Variants in LIMS2 observed in about 807,000 individuals in gnomAD.
The protein encoded by LIMS2 is LIM zinc finger domain containing 2, also known as LIM and senescent cell antigen-like-containing domain protein 2.
Under a neutral mutation model 45.3 loss-of-function variants are expected in LIMS2, and 30 were observed. The ratio of observed to expected loss-of-function variants is 0.66; its 90% confidence interval spans 0.50 to 0.90. LIMS2 has a LOEUF of 0.90. LIMS2 is among the 40% of genes least tolerant of loss of function. The pLI is 0.00. For missense variants in LIMS2, 485 were observed against 468.7 expected, an observed-to-expected ratio of 1.03 and a Z score of -0.32; for synonymous variants, 173 against 188.0, an observed-to-expected ratio of 0.92 and a Z score of 0.65.
In LIMS2 at chr2:127,667,681, A is replaced by G. The variant is rs1685075338; in HGVS notation, c.11+7333T>C. 6.6e-6 allele frequency among the ~76,000 whole-genome samples: 1 copy of G among 152,258 alleles called. No individual in the cohort carries two copies. The highest frequency in any genetic ancestry group is 2.1e-4 in the South Asian group (1 of 4,836). ...AAGCACCCAACAAACTGGGAATAGA[A>G]GGGAACTTCTTCAATTTGATAAGGG... On this transcript the variant is annotated intron_variant, in intron 1 of 9. Transcript: ENST00000355119. The surrounding 1 kb of genome is among the most constrained non-coding windows in gnomAD (Gnocchi z 4.1).
At position 127,644,157 on chromosome 2, in the gene LIMS2, A is replaced by T. The variant is rs543551907; in HGVS notation, c.360-1085T>A. 1.3e-5 allele frequency: 6 copies of T among 454,602 alleles called. No homozygotes were observed. In the East Asian group the frequency reaches 4.2e-4, roughly 32 times the overall value. The allele number at this position is 454,602 out of a possible 1,614,324, so 28.2% of individuals were successfully genotyped here. On this transcript the variant is annotated intron_variant, in intron 4 of 9. Coordinates refer to ENST00000355119, the MANE Select transcript of LIMS2 (RefSeq NM_001161403.3). ...TCTCATCATCAGCTGTGTGCAGGGC[A>T]AGGGGCCCAAACAAAGGCCCAGCAG... is the stretch of plus-strand genomic sequence containing the variant.
chr2:127,664,181 TC>T lies in LIMS2; in HGVS notation c.12-6620del, dbSNP rs555775756. The T allele has an allele frequency of 1.5e-3, 1,075 of 728,448 alleles. 7 individuals carry two copies. Among genetic ancestry groups the T allele is most frequent in the South Asian group, 0.014 (201 of 14,668 alleles). 45.1% of individuals were successfully genotyped at this position (728,448 alleles called of 1,614,324 possible). On this transcript the variant is annotated intron_variant, in intron 1 of 9. Coordinates refer to ENST00000355119, the MANE Select transcript of LIMS2 (RefSeq NM_001161403.3). The surrounding 1 kb of genome is among the most constrained non-coding windows in gnomAD (Gnocchi z 5.5). Reference sequence around the variant, plus strand: ...CACCCTGTCGCCAACCCAGGGCCCATCCGACGCCGGGGCAGAGCCCACGGCG... The same window carrying T: ...CACCCTGTCGCCAACCCAGGGCCCATCGACGCCGGGGCAGAGCCCACGGCG...
chr2:127,643,047 G>C lies in LIMS2; in HGVS notation c.385C>G (p.Arg129Gly), dbSNP rs145123078. The C allele has an allele frequency of 1.3e-6, 2 of 1,585,072 alleles. No individual in the cohort carries two copies. Among genetic ancestry groups the C allele is most frequent in the African/African-American group, 2.7e-5 (2 of 74,474 alleles). Residue 129 changes from arginine (R) to glycine (G), a missense_variant, in exon 5 of 10, where the codon CGT becomes GGT. By Grantham distance (125) the Arg-to-Gly change is moderately radical. Transcript: ENST00000355119. ...GRHLCRPCHNREKAKGLGKYI... is the reference protein window; with the variant it reads ...GRHLCRPCHNGEKAKGLGKYI... Reference sequence around the variant, plus strand: ...TTGCCCAGGCCCTTGGCCTTCTCACGGTTGTGGCAAGGCCGGCAGAGATGC... The same window carrying C: ...TTGCCCAGGCCCTTGGCCTTCTCACCGTTGTGGCAAGGCCGGCAGAGATGC...
At chr2:127,673,565 C>G in intron 1 of LIMS2, 1 of 1,111,862 alleles carries the variant, frequency 9.0e-7, no homozygotes, top group Non-Finnish European at 1.3e-6. Flanking sequence ...GGCAAGAGGA[C>G]CCTTGCCAGG....
chr2:127,668,353 G>C (rs116704103), intron 1 of LIMS2, among the ~76,000 whole-genome samples: 2,421 of 151,844 alleles, frequency 0.016, 23 homozygotes, highest in Middle Eastern at 0.024. Context: ...AAGTGACACA[G>C]AATAATCAAA....
At chr2:127,643,219 G>A (rs1380895008) in intron 4 of LIMS2, 147 bp from the exon 5 acceptor site, 15 of 798,846 alleles carry the variant, frequency 1.9e-5, no homozygotes, top group Non-Finnish European at 2.5e-5. Flanking sequence ...AAAGCAGACT[G>A]CCCTGTCACA....
rs570488699 is a variant in LIMS2, at chr2:127,667,314, A to C, written c.11+7700T>G. Among the ~76,000 whole-genome samples the C allele has an allele frequency of 1.6e-4, 25 of 152,322 alleles. 2 individuals are homozygous for C. In the South Asian group the frequency reaches 4.8e-3, roughly 29 times the overall value. ...TCAAAAAGAGAAAAAAACAAAAAAC[A>C]AAAAACAACAAACCTTCACAAAATC... On this transcript the variant is annotated intron_variant, in intron 1 of 9. Transcript: ENST00000355119. The surrounding 1 kb of genome is among the most constrained non-coding windows in gnomAD (Gnocchi z 4.1).
rs749727979 is a variant in LIMS2, at chr2:127,654,905, G to A, written c.172-9C>T. On this transcript the variant is annotated splice_polypyrimidine_tract_variant and intron_variant, in intron 2 of 9. Coordinates refer to ENST00000355119, the MANE Select transcript of LIMS2 (RefSeq NM_001161403.3). ...TACTTCCGGCCTTCAAACTGCAAAG[G>A]GGTCGCAGAGAGAGGACAAGCAAAC... 6 of 1,613,300 alleles carry A rather than the reference G, an allele frequency of 3.7e-6. No homozygotes were observed. The African/African-American group carries it at 8.0e-5, about 22-fold the overall frequency.
Position 127,672,905 on chromosome 2 carries a change from C to T in LIMS2, c.11+2109G>A, listed in dbSNP as rs527693377. 1.6e-3 allele frequency among the ~76,000 whole-genome samples: 250 copies of T among 152,332 alleles called. 1 individual carries two copies. Among genetic ancestry groups the T allele is most frequent in the Admixed American group, 3.5e-3 (54 of 15,298 alleles). ...CCTGGCTCTGGGCAGCATGGGGGAT[C>T]CCGAGAGAACCAGGATCCAGGCACG... On this transcript the variant is annotated intron_variant, in intron 1 of 9. Transcript: ENST00000355119. This position sits in a 1 kb window ranked among gnomAD's most constrained non-coding sequence, Gnocchi z 4.9.
In LIMS2 at chr2:127,639,351, C is replaced by A. The variant is rs777045843; in HGVS notation, c.956G>T (p.Arg319Leu). ...YEKFPLELKK[R>L]LKKLSELTSR... Reference sequence around the variant, plus strand: ...GGTCAGCTCCGACAGCTTCTTCAGCCGCTTCTTCAGCTCCAGCGGGAACTT... The same window carrying A: ...GGTCAGCTCCGACAGCTTCTTCAGCAGCTTCTTCAGCTCCAGCGGGAACTT... Residue 319 changes from arginine to leucine, a missense_variant, in exon 10 of 10, where the codon CGG (arginine) becomes CTG (leucine). Physicochemically the swap from Arg to Leu is moderately radical, Grantham distance 102. Transcript: ENST00000355119. The A allele has an allele frequency of 1.2e-6, 2 of 1,613,942 alleles. No homozygotes were observed. Among genetic ancestry groups the A allele is most frequent in the African/African-American group, 2.7e-5 (2 of 75,018 alleles).
rs759124947 is a variant in LIMS2, at chr2:127,639,369, G to T, written c.938C>A (p.Pro313Gln). Residue 313 changes from proline to glutamine, a missense_variant, in exon 10 of 10, where the codon CCG (proline) becomes CAG (glutamine). By Grantham distance (76) the Pro-to-Gln change is moderately conservative. Coordinates refer to ENST00000355119, the MANE Select transcript of LIMS2 (RefSeq NM_001161403.3). ...CTTCAGCCGCTTCTTCAGCTCCAGC[G>T]GGAACTTCTCGTAGCACCTCTTACA... ...PVCKRCYEKFPLELKKRLKKL... is the reference protein window; with the variant it reads ...PVCKRCYEKFQLELKKRLKKL... 1.2e-6 allele frequency: 2 copies of T among 1,613,926 alleles called. No homozygotes were observed. The highest frequency in any genetic ancestry group is 1.1e-5 in the South Asian group (1 of 91,078).
Position 127,660,852 on chromosome 2 carries a change from G to A in LIMS2, c.12-3290C>T, listed in dbSNP as rs757449745. On this transcript the variant is annotated intron_variant, in intron 1 of 9. Coordinates refer to ENST00000355119, the MANE Select transcript of LIMS2 (RefSeq NM_001161403.3). ...CCAGTCTGTAAGCAGTTCCTCGGCT[G>A]GTCCCTGAATGCATCCAGGGAGATC... Among the ~76,000 whole-genome samples the A allele has an allele frequency of 1.6e-4, 24 of 151,768 alleles. No individual in the cohort carries two copies. In the Middle Eastern group the frequency reaches 0.01, roughly 65 times the overall value.
upstream of LIMS2, among the ~76,000 whole-genome samples, chr2:127,676,400 G>A (rs1471996719): frequency 2.1e-5 from 3 of 142,100 alleles, no homozygotes; most frequent in Non-Finnish European, 4.5e-5. Flanking sequence ...TGCCTTTGCA[G>A]TTGTTACTTT....
intron 1 of LIMS2, among the ~76,000 whole-genome samples, chr2:127,658,018 C>G (rs756835939): frequency 6.6e-6 from 1 of 152,228 alleles, no homozygotes; most frequent in Non-Finnish European, 1.5e-5. Context: ...ATGGTTCCAT[C>G]CTCTGCACCA....
In LIMS2 at chr2:127,674,103, G is replaced by A. The variant is rs370568541; in HGVS notation, c.11+911C>T. On this transcript the variant is annotated intron_variant, in intron 1 of 9. Transcript: ENST00000355119. ...CAGAGGCAGCTCCCCTGTGGGCCTC[G>A]GATTTGAGACTGCAATCCTGGACAC... The A allele has an allele frequency of 4.9e-3, 1,430 of 292,878 alleles. 33 individuals are homozygous for A. Among genetic ancestry groups the A allele is most frequent in the South Asian group, 0.039 (1,035 of 26,234 alleles). The allele number at this position is 292,878 out of a possible 1,614,324, so 18.1% of individuals were successfully genotyped here. A position where few individuals can be genotyped will look rare whatever the true frequency, so the allele number is the denominator to read the frequency against.
At chr2:127,639,528 A>C (rs896949459) in intron 9 of LIMS2, 100 bp from the exon 10 acceptor site, 5 of 1,441,490 alleles carry the variant, frequency 3.5e-6, no homozygotes, top group Non-Finnish European at 3.8e-6. Context: ...CAGCCTCCCC[A>C]CACCAGCCTC....
At chr2:127,654,926 C>T (rs765263627) in intron 2 of LIMS2, 30 bp from the exon 3 acceptor site, 2 of 1,603,298 alleles carry the variant, frequency 1.2e-6, no homozygotes, top group South Asian at 1.1e-5. Flanking sequence ...AGAGGACAAG[C>T]AAACCACCTA....
rs753917235 is a variant in LIMS2, at chr2:127,640,236, C to T, written c.802+34G>A. On this transcript the variant is annotated intron_variant, in intron 8 of 9. Coordinates refer to ENST00000355119, the MANE Select transcript of LIMS2 (RefSeq NM_001161403.3). ...CTGCAGCACCCAGGCCCCAGGAGAG[C>T]AGGTGGGGTGGGGGAGGGAACACAG... 2.5e-6 allele frequency: 4 copies of T among 1,612,912 alleles called. No individual in the cohort carries two copies. In the African/African-American group the frequency reaches 4.0e-5, roughly 16 times the overall value.
upstream of LIMS2, among the ~76,000 whole-genome samples, chr2:127,680,450 CT>C: frequency 6.6e-6 from 1 of 152,256 alleles, no homozygotes; most frequent in East Asian, 1.9e-4. Context: ...AATCTCCTGT[CT>C]TTTAAAAATA....
Sources: gnomAD v4.1 joint callset for allele counts (sites outside exome capture counted in the v4.1 genomes callset) on GRCh38, gnomAD v4.1.1 for gene constraint, Gnocchi (gnomAD v3.1) non-coding constraint, MANE v1.5 for transcripts, NCBI Gene and HGNC (gene_info 2026-07-23, HGNC 2026-07-21) for gene names.